Variants in OSBPL10 observed in about 807,000 individuals in gnomAD.
The protein encoded by OSBPL10 is oxysterol binding protein like 10, also known as oxysterol-binding protein-related protein 10.
A neutral mutation model predicts 81.7 loss-of-function variants in OSBPL10; 49 were observed. The ratio of observed to expected loss-of-function variants is 0.60; its 90% CI spans 0.48 to 0.76. The LOEUF is 0.76. OSBPL10 is among the 30% of genes least tolerant of loss of function. OSBPL10 has a pLI of 0.00. For missense variants in OSBPL10, 923 were observed against 987.8 expected (o/e 0.93, Z 0.88); for synonymous variants, 419 against 383.6 (o/e 1.09, Z -1.08).
intron 1 of OSBPL10, among the ~76,000 whole-genome samples, chr3:31,971,921 AAGGT>A (rs1698577615): frequency 6.6e-6 from 1 of 152,142 alleles, no homozygotes; most frequent in African/African-American, 2.4e-5. Flanking sequence ...TCAGCTCCTT[AAGGT>A]AGGGCCTGTG....
chr3:31,807,022 T>C (rs1481394758), intron 4 of OSBPL10, among the ~76,000 whole-genome samples: 2 of 152,174 alleles, frequency 1.3e-5, no homozygotes, highest in African/African-American at 4.8e-5. Context: ...AGGATTTTAC[T>C]ATAGGTACAA....
intron 4 of OSBPL10, among the ~76,000 whole-genome samples, chr3:31,752,271 C>A (rs573916021): frequency 4.6e-5 from 7 of 152,152 alleles, no homozygotes; most frequent in African/African-American, 1.2e-4. Flanking sequence ...CCAAGGCACA[C>A]CAACATTAAT....
chr3:32,054,679 G>A lies in OSBPL10; in HGVS notation n.186-8076C>T, dbSNP rs372554089. 1.0e-3 allele frequency among the ~76,000 whole-genome samples: 157 copies of A among 151,720 alleles called. 2 individuals carry two copies. The South Asian group carries it at 0.028, about 27-fold the overall frequency. On this transcript the variant is annotated intron_variant and non_coding_transcript_variant, in intron 1 of 3. Coordinates refer to the OSBPL10 transcript ENST00000479173. ...CCCAAGTAGCTGGGATTACGGGGGCGGGCCACTACGCCCAGCTAAGTTTTG... is the reference window on the plus strand; with the variant it reads ...CCCAAGTAGCTGGGATTACGGGGGCAGGCCACTACGCCCAGCTAAGTTTTG...
At chr3:31,851,832 A>G (rs1164334836) in intron 3 of OSBPL10, among the ~76,000 whole-genome samples, 1 of 152,124 alleles carries the variant, frequency 6.6e-6, no homozygotes, top group African/African-American at 2.4e-5. Context: ...GCAGAGCAGG[A>G]CTCAGAAGGC....
At position 31,798,050 on chromosome 3, in the gene OSBPL10, A is replaced by G. The variant is rs574376948; in HGVS notation, c.729+31990T>C. ...TAATATATTTTTCTACTAATAGACTATCCAATATGATAGCCTCCAGCCATA... is the reference window on the plus strand; with the variant it reads ...TAATATATTTTTCTACTAATAGACTGTCCAATATGATAGCCTCCAGCCATA... On this transcript the variant is annotated intron_variant, in intron 4 of 11. Transcript: ENST00000396556. Among the ~76,000 whole-genome samples, 78 of 152,178 alleles carry G rather than the reference A, an allele frequency of 5.1e-4. 1 individual carries two copies. The highest frequency in any genetic ancestry group is 9.6e-4 in the Non-Finnish European group (65 of 68,040).
intron 5 of OSBPL10, among the ~76,000 whole-genome samples, chr3:31,744,069 T>G (rs1305925907): frequency 1.3e-5 from 2 of 152,140 alleles, no homozygotes. Flanking sequence ...TTTCCCCCAG[T>G]GGGTAGCATA....
At chr3:31,988,713 A>G (rs942503203) in intron 2 of OSBPL10, 2 of 251,444 alleles carry the variant, frequency 8.0e-6, no homozygotes, top group Non-Finnish European at 1.5e-5. Flanking sequence ...CCACCAATGG[A>G]TAGCCCAGGC....
intron 3 of OSBPL10, among the ~76,000 whole-genome samples, chr3:31,830,827 G>C (rs936496207): frequency 2.0e-5 from 3 of 152,160 alleles, no homozygotes; most frequent in African/African-American, 7.2e-5. Flanking sequence ...CACGAACTAA[G>C]CTGTCCACCA....
At chr3:31,999,229 C>G (rs1413145328) in intron 2 of OSBPL10, among the ~76,000 whole-genome samples, 1 of 152,184 alleles carries the variant, frequency 6.6e-6, no homozygotes, top group Admixed American at 6.5e-5. Context: ...TCTTTCCTGT[C>G]TTGCCAGCTA....
intron 1 of OSBPL10, among the ~76,000 whole-genome samples, chr3:31,898,281 C>T (rs1247716201): frequency 6.6e-6 from 1 of 151,890 alleles, no homozygotes; most frequent in Non-Finnish European, 1.5e-5. Context: ...ATTTCAAATG[C>T]CTCACCACAA....
chr3:31,923,617 C>T (rs897912047), intron 1 of OSBPL10, among the ~76,000 whole-genome samples: 17 of 152,012 alleles, frequency 1.1e-4, no homozygotes, highest in African/African-American at 3.1e-4. Context: ...TAACAAGACC[C>T]CATCTCTACA....
At position 31,990,301 on chromosome 3, in the gene OSBPL10, A is replaced by G. The variant is rs770257415; in HGVS notation, n.298+56190T>C. 2.7e-5 allele frequency: 43 copies of G among 1,614,056 alleles called. No homozygotes were observed. Among genetic ancestry groups the G allele is most frequent in the Non-Finnish European group, 3.6e-5 (43 of 1,180,016 alleles). On this transcript the variant is annotated intron_variant and non_coding_transcript_variant, in intron 2 of 3. Transcript: ENST00000479173. ...ATGTAATGATTGTCACAAAGTCTTC[A>G]GTAATGCTACAACCATTGCAAATCA...
intron 1 of OSBPL10, among the ~76,000 whole-genome samples, chr3:31,938,443 C>A (rs935103598): frequency 6.6e-6 from 1 of 152,170 alleles, no homozygotes; most frequent in Non-Finnish European, 1.5e-5. Context: ...TTCTGGACAC[C>A]CTCAGAGCTG....
At chr3:31,797,935 CTGT>C in intron 4 of OSBPL10, 1 of 341,530 alleles carries the variant, frequency 2.9e-6, no homozygotes, top group South Asian at 2.2e-5. Flanking sequence ...TTTACAGTCC[CTGT>C]TGTTAACTGA....
chr3:31,834,208 C>CCTAT (rs1700317434), intron 3 of OSBPL10, among the ~76,000 whole-genome samples: 1 of 152,158 alleles, frequency 6.6e-6, no homozygotes, highest in South Asian at 2.1e-4. Flanking sequence ...GTCATAAAAG[C>CCTAT]CTATCTTCGC....
intron 2 of OSBPL10, among the ~76,000 whole-genome samples, chr3:32,038,222 C>T (rs1286803024): frequency 3.3e-5 from 5 of 152,138 alleles, no homozygotes; most frequent in Admixed American, 2.6e-4. Context: ...ACAACACAGG[C>T]GAGCCCCAAA....
At chr3:31,877,492 G>A (rs564907439) in intron 2 of OSBPL10, among the ~76,000 whole-genome samples, 2 of 151,998 alleles carry the variant, frequency 1.3e-5, no homozygotes, top group South Asian at 4.2e-4. Context: ...GCACACAACA[G>A]GTTCTAATGA....
chr3:31,678,485 C>T (rs932762945), intron 8 of OSBPL10, among the ~76,000 whole-genome samples: 2 of 152,204 alleles, frequency 1.3e-5, no homozygotes, highest in Non-Finnish European at 2.9e-5. Context: ...AAAGTGACTG[C>T]TATTTGGTAG....
chr3:32,017,973 A>AC (rs1469123801), intron 2 of OSBPL10, among the ~76,000 whole-genome samples: 2 of 151,738 alleles, frequency 1.3e-5, no homozygotes, highest in African/African-American at 4.8e-5. Context: ...ACATGGTGAA[A>AC]CCCCGTCTCT....
Sources: allele counts gnomAD v4.1 joint callset (sites outside exome capture counted in the v4.1 genomes callset), GRCh38; gene constraint gnomAD v4.1.1; transcripts MANE v1.5; gene names NCBI Gene and HGNC (gene_info 2026-07-23, HGNC 2026-07-21).